FZD2: variants seen among roughly 807,000 people sequenced by gnomAD.
The protein encoded by FZD2 is frizzled-2.
A neutral mutation model predicts 36.7 loss-of-function variants in FZD2; 17 were observed. The ratio of observed to expected loss-of-function variants is 0.46; its 90% CI spans 0.32 to 0.70. FZD2 has a LOEUF of 0.70. FZD2 is among the 30% of genes least tolerant of loss of function. The pLI is 0.04. For missense variants in FZD2, 525 were observed against 805.6 expected (o/e 0.65, Z 4.22); for synonymous variants, 333 against 359.6 (o/e 0.93, Z 0.84).
rs1459246074 is a variant in FZD2, at chr17:44,557,751, G to A, written c.63G>A (p.Gly21=). The change falls in exon 1 of 1, where the codon GGG becomes GGA. Residue 21 remains glycine, a synonymous_variant. Coordinates refer to ENST00000315323, the MANE Select transcript of FZD2 (RefSeq NM_001466.4). This position sits in a 1 kb window ranked among gnomAD's most constrained non-coding sequence, Gnocchi z 4.9. ...LLPLLLLPAA[G]PAQFHGEKGI... is the part of the protein sequence containing the mutation. ...CGCTGCTGCTGCTGCCCGCCGCCGGGCCGGCCCAGTTCCACGGGGAGAAGG... is the reference window on the plus strand; with the variant it reads ...CGCTGCTGCTGCTGCCCGCCGCCGGACCGGCCCAGTTCCACGGGGAGAAGG... The A allele has an allele frequency of 6.2e-7, 1 of 1,610,112 alleles. No homozygotes were observed. Among genetic ancestry groups the A allele is most frequent in the East Asian group, 2.2e-5 (1 of 44,490 alleles).
rs776778571 is a variant in FZD2 at position 44,557,718 on chromosome 17, G to T, written c.30G>T (p.Leu10=). The T allele has an allele frequency of 1.3e-6, 2 of 1,590,546 alleles. No homozygotes were observed. The highest frequency in any genetic ancestry group is 4.6e-5 in the East Asian group (2 of 43,306). ...GGCCCCGCAGCGCCCTGCCCCGCCT[G>T]CTGCTGCCGCTGCTGCTGCTGCCCG... MRPRSALPR[L]LLPLLLLPAA... The change falls in exon 1 of 1, where the codon CTG becomes CTT. Residue 10 remains leucine (L), a synonymous_variant. Coordinates refer to ENST00000315323, the MANE Select transcript of FZD2 (RefSeq NM_001466.4). This position sits in a 1 kb window ranked among gnomAD's most constrained non-coding sequence, Gnocchi z 4.9.
Position 44,559,292 on chromosome 17 carries a change from C to T in FZD2, c.1604C>T (p.Ser535Leu). Reference protein sequence around the residue: ...YLMTLIVGITSGFWIWSGKTL... With the variant: ...YLMTLIVGITLGFWIWSGKTL... ...ATGACGCTCATCGTGGGCATCACGTCGGGCTTCTGGATCTGGTCGGGCAAG... is the reference window on the plus strand; with the variant it reads ...ATGACGCTCATCGTGGGCATCACGTTGGGCTTCTGGATCTGGTCGGGCAAG... Residue 535 changes from serine to leucine, a missense_variant, in exon 1 of 1, where the codon TCG becomes TTG. By Grantham distance (145) the Ser-to-Leu change is moderately radical (BLOSUM62 -2). Transcript: ENST00000315323. The surrounding 1 kb of genome is among the most constrained non-coding windows in gnomAD (Gnocchi z 4.4). 1 of 1,614,004 alleles carries T rather than the reference C, an allele frequency of 6.2e-7. No homozygotes were observed. Among genetic ancestry groups the T allele is most frequent in the African/African-American group, 1.3e-5 (1 of 75,056 alleles).
rs1970858043 is a variant in FZD2, at chr17:44,558,961, T to C, written c.1273T>C (p.Phe425Leu). Reference sequence around the variant, plus strand: ...GCTAGCGCCGCTCTTCGTGTACCTGTTCATCGGCACGTCCTTCCTCCTGGC... The same window carrying C: ...GCTAGCGCCGCTCTTCGTGTACCTGCTCATCGGCACGTCCTTCCTCCTGGC... ...FVLAPLFVYLFIGTSFLLAGF... is the reference protein window; with the variant it reads ...FVLAPLFVYLLIGTSFLLAGF... Residue 425 changes from phenylalanine (F) to leucine (L), a missense_variant, in exon 1 of 1, where the codon TTC becomes CTC. Around this residue, in one of 5 missense-constraint regions of FZD2, gnomAD observed 189 missense variants for 298.1 expected, o/e 0.63. Coordinates refer to ENST00000315323, the MANE Select transcript of FZD2 (RefSeq NM_001466.4). The surrounding 1 kb of genome is among the most constrained non-coding windows in gnomAD (Gnocchi z 9.3). The C allele has an allele frequency of 3.1e-6, 5 of 1,613,904 alleles. No individual in the cohort carries two copies. Among genetic ancestry groups the C allele is most frequent in the Non-Finnish European group, 4.2e-6 (5 of 1,180,012 alleles).
Position 44,559,181 on chromosome 17 carries a change from A to G in FZD2, c.1493A>G (p.His498Arg), listed in dbSNP as rs761755955. ...TGGGAGCGCTCGTGGGTGAGCCAGC[A>G]CTGCAAGAGCCTGGCCATCCCGTGC... The part of the protein sequence containing the change: ...EHWERSWVSQ[H>R]CKSLAIPCPA... The change falls in exon 1 of 1, where the codon CAC (histidine) becomes CGC (arginine). Residue 498 changes from histidine (H) to arginine (R), a missense_variant. This residue lies in a region of FZD2 where 189 missense variants were observed against 298.1 expected (regional missense o/e 0.63). Transcript: ENST00000315323. The surrounding 1 kb of genome is among the most constrained non-coding windows in gnomAD (Gnocchi z 4.4). 1.2e-6 allele frequency: 2 copies of G among 1,613,948 alleles called. No individual in the cohort carries two copies. The highest frequency in any genetic ancestry group is 1.7e-6 in the Non-Finnish European group (2 of 1,180,008).
chr17:44,558,166 G>A lies in FZD2; in HGVS notation c.478G>A (p.Ala160Thr). Residue 160 changes from alanine (A) to threonine (T), a missense_variant, in exon 1 of 1, where the codon GCT becomes ACT. Physicochemically the swap from Ala to Thr is moderately conservative, Grantham distance 58. Transcript: ENST00000315323. This position sits in a 1 kb window ranked among gnomAD's most constrained non-coding sequence, Gnocchi z 9.3. ...CVGQNHSEDGAPALLTTAPPP... is the reference protein window; with the variant it reads ...CVGQNHSEDGTPALLTTAPPP... ...CGGCCAGAACCACTCCGAGGACGGA[G>A]CTCCCGCGCTACTCACCACCGCGCC... The A allele has an allele frequency of 6.4e-7, 1 of 1,568,200 alleles. No individual in the cohort carries two copies. The highest frequency in any genetic ancestry group is 1.2e-5 in the South Asian group (1 of 86,612).
In FZD2 at chr17:44,561,010, G is replaced by A. The variant is rs1970882341; in HGVS notation, c.*1624G>A. 6.6e-6 allele frequency among the ~76,000 whole-genome samples: 1 copy of A among 152,174 alleles called. No individual in the cohort carries two copies. Among genetic ancestry groups the A allele is most frequent in the African/African-American group, 2.4e-5 (1 of 41,428 alleles). The stretch of plus-strand genomic sequence containing the variant: ...ATTACAGGAGTGAGCCACAGTGCCT[G>A]GCCTGTCAAGACTTCTCTTAAGTTA... On this transcript the variant is annotated 3_prime_UTR_variant, in exon 1 of 1. Transcript: ENST00000315323.
rs530418343 is a variant in FZD2 at position 44,558,217 on chromosome 17, G to C, written c.529G>C (p.Gly177Arg). ...APPPGLQPGAGGTPGGPGGGG... is the reference protein window; with the variant it reads ...APPPGLQPGARGTPGGPGGGG... Reference sequence around the variant, plus strand: ...GCCGCCGGGACTGCAGCCGGGTGCCGGGGGCACCCCGGGTGGCCCGGGCGG... The same window carrying C: ...GCCGCCGGGACTGCAGCCGGGTGCCCGGGGCACCCCGGGTGGCCCGGGCGG... The change falls in exon 1 of 1, where the codon GGG becomes CGG. Residue 177 changes from glycine (G) to arginine (R), a missense_variant. Transcript: ENST00000315323. The surrounding 1 kb of genome is among the most constrained non-coding windows in gnomAD (Gnocchi z 9.3). 35 of 1,416,412 alleles carry C rather than the reference G, an allele frequency of 2.5e-5. No homozygotes were observed. In the East Asian group the frequency reaches 9.3e-4, roughly 38 times the overall value. The allele number at this position is 1,416,412 out of a possible 1,614,324, so 87.7% of individuals were successfully genotyped here.
rs1970842168 is a variant in FZD2 at position 44,557,692 on chromosome 17, C to T, written c.4C>T (p.Arg2Trp). Reference protein sequence around the residue: MRPRSALPRLLL... With the variant: MWPRSALPRLLL... Reference sequence around the variant, plus strand: ...CGGGTGGGGGGCGGCGGCCAGCATGCGGCCCCGCAGCGCCCTGCCCCGCCT... The same window carrying T: ...CGGGTGGGGGGCGGCGGCCAGCATGTGGCCCCGCAGCGCCCTGCCCCGCCT... The change falls in exon 1 of 1, where the codon CGG becomes TGG. Residue 2 changes from arginine (R) to tryptophan (W), a missense_variant. Arg to Trp is a moderately radical substitution (Grantham distance 101). This residue lies in a region of FZD2 where 44 missense variants were observed against 43.9 expected (regional missense o/e 1.00). Coordinates refer to ENST00000315323, the MANE Select transcript of FZD2 (RefSeq NM_001466.4). The surrounding 1 kb of genome is among the most constrained non-coding windows in gnomAD (Gnocchi z 4.9). 7.5e-7 allele frequency: 1 copy of T among 1,333,866 alleles called. No individual in the cohort carries two copies. The highest frequency in any genetic ancestry group is 1.5e-5 in the African/African-American group (1 of 65,008). 82.6% of individuals were successfully genotyped at this position (1,333,866 alleles called of 1,614,324 possible).
rs1970875234 is a variant in FZD2, at chr17:44,560,352, T to A, written c.*966T>A. On this transcript the variant is annotated 3_prime_UTR_variant, in exon 1 of 1. Transcript: ENST00000315323. Reference sequence around the variant, plus strand: ...CTTCCCTTCTTTCCCTGCAGTCTATTCACTCCCGCAGCCAAAAATCTCTGG... The same window carrying A: ...CTTCCCTTCTTTCCCTGCAGTCTATACACTCCCGCAGCCAAAAATCTCTGG... Among the ~76,000 whole-genome samples, 1 of 97,088 alleles carries A rather than the reference T, an allele frequency of 1.0e-5. No homozygotes were observed. The allele number at this position is 97,088 out of a possible 152,430, so 63.7% of individuals were successfully genotyped here.
Position 44,558,616 on chromosome 17 carries a change from T to C in FZD2, c.928T>C (p.Phe310Leu). 6.2e-7 allele frequency: 1 copy of C among 1,613,764 alleles called. No homozygotes were observed. Among genetic ancestry groups the C allele is most frequent in the Non-Finnish European group, 8.5e-7 (1 of 1,179,840 alleles). The change falls in exon 1 of 1, where the codon TTC becomes CTC. Residue 310 changes from phenylalanine (F) to leucine (L), a missense_variant. By Grantham distance (22) the Phe-to-Leu change is conservative. Coordinates refer to ENST00000315323, the MANE Select transcript of FZD2 (RefSeq NM_001466.4). The surrounding 1 kb of genome is among the most constrained non-coding windows in gnomAD (Gnocchi z 9.3). ...LQERVVCNER[F>L]SEDGYRTVVQ... Reference sequence around the variant, plus strand: ...GGAGCGCGTGGTGTGCAACGAGCGCTTCTCCGAGGACGGTTACCGCACGGT... The same window carrying C: ...GGAGCGCGTGGTGTGCAACGAGCGCCTCTCCGAGGACGGTTACCGCACGGT...
Position 44,557,775 on chromosome 17 carries a change from G to T in FZD2, c.87G>T (p.Lys29Asn), listed in dbSNP as rs1365650986. 5.0e-6 allele frequency: 8 copies of T among 1,613,016 alleles called. No homozygotes were observed. The highest frequency in any genetic ancestry group is 6.8e-6 in the Non-Finnish European group (8 of 1,179,866). Residue 29 changes from lysine (K) to asparagine (N), a missense_variant, in exon 1 of 1, where the codon AAG becomes AAT. By Grantham distance (94) the Lys-to-Asn change is moderately conservative. Transcript: ENST00000315323. This position sits in a 1 kb window ranked among gnomAD's most constrained non-coding sequence, Gnocchi z 4.9. ...GGCCGGCCCAGTTCCACGGGGAGAA[G>T]GGCATCTCCATCCCGGACCACGGCT... ...AAGPAQFHGE[K>N]GISIPDHGFC... is the part of the protein sequence containing the mutation.
chr17:44,557,839 G>A lies in FZD2; in HGVS notation c.151G>A (p.Ala51Thr). 6.2e-7 allele frequency: 1 copy of A among 1,614,108 alleles called. No homozygotes were observed. Among genetic ancestry groups the A allele is most frequent in the Non-Finnish European group, 8.5e-7 (1 of 1,180,000 alleles). ...CTCCATCCCGCTGTGCACGGACATC[G>A]CCTACAACCAGACCATCATGCCCAA... The part of the protein sequence containing the change: ...PISIPLCTDI[A>T]YNQTIMPNLL... Residue 51 changes from alanine to threonine, a missense_variant, in exon 1 of 1, where the codon GCC (alanine) becomes ACC (threonine). Coordinates refer to ENST00000315323, the MANE Select transcript of FZD2 (RefSeq NM_001466.4). This position sits in a 1 kb window ranked among gnomAD's most constrained non-coding sequence, Gnocchi z 4.9.
chr17:44,558,879 G>A lies in FZD2; in HGVS notation c.1191G>A (p.Leu397=). 6.2e-7 allele frequency: 1 copy of A among 1,612,826 alleles called. No homozygotes were observed. Among genetic ancestry groups the A allele is most frequent in the South Asian group, 1.1e-5 (1 of 90,966 alleles). ...CCATGGGCCAGATCGACGGCGACCT[G>A]CTGAGCGGCGTGTGCTTCGTAGGCC... ...ILAMGQIDGD[L]LSGVCFVGLN... is the part of the protein sequence containing the mutation. The change falls in exon 1 of 1, where the codon CTG becomes CTA. Residue 397 remains leucine, a synonymous_variant. Transcript: ENST00000315323. This position sits in a 1 kb window ranked among gnomAD's most constrained non-coding sequence, Gnocchi z 9.3.
Position 44,557,757 on chromosome 17 carries a change from C to T in FZD2, c.69C>T (p.Ala23=), listed in dbSNP as rs1389860287. Residue 23 remains alanine, a synonymous_variant, in exon 1 of 1, where the codon GCC becomes GCT. Transcript: ENST00000315323. The surrounding 1 kb of genome is among the most constrained non-coding windows in gnomAD (Gnocchi z 4.9). ...TGCTGCTGCCCGCCGCCGGGCCGGCCCAGTTCCACGGGGAGAAGGGCATCT... is the reference window on the plus strand; with the variant it reads ...TGCTGCTGCCCGCCGCCGGGCCGGCTCAGTTCCACGGGGAGAAGGGCATCT... ...PLLLLPAAGP[A]QFHGEKGISI... The T allele has an allele frequency of 2.5e-6, 4 of 1,610,962 alleles. No individual in the cohort carries two copies. Among genetic ancestry groups the T allele is most frequent in the South Asian group, 1.1e-5 (1 of 90,944 alleles).
rs1171104338 is a variant in FZD2 at position 44,557,709 on chromosome 17, G to A, written c.21G>A (p.Leu7=). Residue 7 remains leucine, a synonymous_variant, in exon 1 of 1, where the codon CTG becomes CTA. Coordinates refer to ENST00000315323, the MANE Select transcript of FZD2 (RefSeq NM_001466.4). This position sits in a 1 kb window ranked among gnomAD's most constrained non-coding sequence, Gnocchi z 4.9. The part of the protein sequence containing the change: MRPRSA[L]PRLLLPLLLL... ...CCAGCATGCGGCCCCGCAGCGCCCT[G>A]CCCCGCCTGCTGCTGCCGCTGCTGC... 6.4e-7 allele frequency: 1 copy of A among 1,562,446 alleles called. No individual in the cohort carries two copies. The highest frequency in any genetic ancestry group is 8.6e-7 in the Non-Finnish European group (1 of 1,156,504).
Position 44,557,792 on chromosome 17 carries a change from A to T in FZD2, c.104A>T (p.Asp35Val). 1 of 1,613,724 alleles carries T rather than the reference A, an allele frequency of 6.2e-7. No individual in the cohort carries two copies. Among genetic ancestry groups the T allele is most frequent in the South Asian group, 1.1e-5 (1 of 91,058 alleles). The change falls in exon 1 of 1, where the codon GAC becomes GTC. Residue 35 changes from aspartate to valine, a missense_variant. By Grantham distance (152) the Asp-to-Val change is radical (BLOSUM62 -3). Coordinates refer to ENST00000315323, the MANE Select transcript of FZD2 (RefSeq NM_001466.4). This position sits in a 1 kb window ranked among gnomAD's most constrained non-coding sequence, Gnocchi z 4.9. ...GGGGAGAAGGGCATCTCCATCCCGG[A>T]CCACGGCTTCTGCCAGCCCATCTCC... Reference protein sequence around the residue: ...FHGEKGISIPDHGFCQPISIP... With the variant: ...FHGEKGISIPVHGFCQPISIP...
Position 44,559,042 on chromosome 17 carries a change from A to T in FZD2, c.1354A>T (p.Thr452Ser). 1.2e-6 allele frequency: 2 copies of T among 1,614,086 alleles called. No individual in the cohort carries two copies. The highest frequency in any genetic ancestry group is 1.7e-6 in the Non-Finnish European group (2 of 1,180,016). Residue 452 changes from threonine to serine, a missense_variant, in exon 1 of 1, where the codon ACC (threonine) becomes TCC (serine). By Grantham distance (58) the Thr-to-Ser change is moderately conservative. This residue lies in a region of FZD2 where 189 missense variants were observed against 298.1 expected (regional missense o/e 0.63). Transcript: ENST00000315323. This position sits in a 1 kb window ranked among gnomAD's most constrained non-coding sequence, Gnocchi z 4.4. ...RTIMKHDGTK[T>S]EKLERLMVRI... ...CATCATGAAGCACGACGGCACCAAG[A>T]CCGAAAAGCTGGAGCGGCTCATGGT...
At position 44,557,664 on chromosome 17, in the gene FZD2, AGCCGG is replaced by A. The variant is rs1227746586; in HGVS notation, c.-23_-19del. 8.2e-7 allele frequency: 1 copy of A among 1,214,568 alleles called. No individual in the cohort carries two copies. Among genetic ancestry groups the A allele is most frequent in the Non-Finnish European group, 1.0e-6 (1 of 969,250 alleles). 75.2% of individuals were successfully genotyped at this position (1,214,568 alleles called of 1,614,324 possible). A position where few individuals can be genotyped will look rare whatever the true frequency, so the allele number is the denominator to read the frequency against. On this transcript the variant is annotated 5_prime_UTR_variant, in exon 1 of 1. Coordinates refer to ENST00000315323, the MANE Select transcript of FZD2 (RefSeq NM_001466.4). The surrounding 1 kb of genome is among the most constrained non-coding windows in gnomAD (Gnocchi z 4.9). ...GGCGGGGGCGGGGGGGGCGCCAAGG[AGCCGG>A]GTGGGGGGCGGCGGCCAGCATGCGG...
Position 44,558,715 on chromosome 17 carries a change from A to C in FZD2, c.1027A>C (p.Ile343Leu). 6.2e-7 allele frequency: 1 copy of C among 1,614,214 alleles called. No homozygotes were observed. Among genetic ancestry groups the C allele is most frequent in the African/African-American group, 1.3e-5 (1 of 75,068 alleles). ...CTACTTCTTCAGCATGGCCAGCTCCATCTGGTGGGTCATCCTGTCGCTCAC... is the reference window on the plus strand; with the variant it reads ...CTACTTCTTCAGCATGGCCAGCTCCCTCTGGTGGGTCATCCTGTCGCTCAC... The part of the protein sequence containing the change: ...MLYFFSMASS[I>L]WWVILSLTWF... Residue 343 changes from isoleucine to leucine, a missense_variant, in exon 1 of 1, where the codon ATC (isoleucine) becomes CTC (leucine). This residue lies in a region of FZD2 where 6 missense variants were observed against 36.9 expected (regional missense o/e 0.16). Transcript: ENST00000315323. This position sits in a 1 kb window ranked among gnomAD's most constrained non-coding sequence, Gnocchi z 9.3.
Sources: gnomAD v4.1 joint callset for allele counts (sites outside exome capture counted in the v4.1 genomes callset) on GRCh38, gnomAD v4.1.1 for gene constraint, gnomAD v4.1.1 regional missense constraint, Gnocchi (gnomAD v3.1) non-coding constraint, MANE v1.5 for transcripts, NCBI Gene and HGNC (gene_info 2026-07-23, HGNC 2026-07-21) for gene names.